The following ITGBL1 variants were observed in gnomAD, a reference collection of about 807,000 sequenced individuals.
The protein encoded by ITGBL1 is integrin subunit beta like 1, also known as integrin beta-like protein 1.
In ITGBL1, 51 loss-of-function variants were observed where a neutral mutation model predicts 68.5. That is an observed-to-expected ratio of 0.74 (90% CI 0.59 to 0.94). The LOEUF (loss-of-function observed/expected upper bound fraction) is 0.94, where lower values mean the gene tolerates loss of function less well. Ranked by LOEUF, ITGBL1 falls within the 40% of genes least tolerant of loss-of-function variation. ITGBL1 has a pLI of 0.00. For missense variants in ITGBL1, 649 were observed against 647.4 expected (o/e 1.00, Z -0.03); for synonymous variants, 209 against 227.3 (o/e 0.92, Z 0.72).
chr13:101,640,849 C>T (rs2032342867), intron 7 of ITGBL1, among the ~76,000 whole-genome samples: 1 of 152,136 alleles, frequency 6.6e-6, no homozygotes, highest in Non-Finnish European at 1.5e-5. Flanking sequence ...CGATGTTTAG[C>T]TCCCACTTAT....
At chr13:101,699,612 C>T (rs2034085317) in intron 8 of ITGBL1, among the ~76,000 whole-genome samples, 1 of 152,182 alleles carries the variant, frequency 6.6e-6, no homozygotes, top group South Asian at 2.1e-4. Context: ...CTTCCCCTTC[C>T]ACCATAATTG....
chr13:101,698,060 C>T (rs928156326), intron 8 of ITGBL1, among the ~76,000 whole-genome samples: 1 of 152,190 alleles, frequency 6.6e-6, no homozygotes, highest in Admixed American at 6.5e-5. Flanking sequence ...CAGACATCAT[C>T]CCTCTGTTAT....
intron 2 of ITGBL1, among the ~76,000 whole-genome samples, chr13:101,503,623 G>A (rs1297758110): frequency 6.6e-6 from 1 of 152,174 alleles, no homozygotes; most frequent in Non-Finnish European, 1.5e-5. Context: ...CCCCCTAGGG[G>A]AGTACACCCT....
At chr13:101,706,662 A>G (rs2034270249) in intron 8 of ITGBL1, 94 bp from the exon 9 acceptor site, 2 of 1,254,354 alleles carry the variant, frequency 1.6e-6, no homozygotes, top group Admixed American at 2.6e-5. Context: ...ATGGGAAATG[A>G]GATCCTATGG....
chr13:101,571,141 A>G (rs976137007), intron 3 of ITGBL1, among the ~76,000 whole-genome samples: 4 of 152,124 alleles, frequency 2.6e-5, no homozygotes, highest in Non-Finnish European at 4.4e-5. Context: ...CCATATTTGC[A>G]TGTCCCATTT....
At chr13:101,541,349 T>C (rs1390890493) in intron 2 of ITGBL1, among the ~76,000 whole-genome samples, 1 of 152,180 alleles carries the variant, frequency 6.6e-6, no homozygotes, top group Non-Finnish European at 1.5e-5. Context: ...ATATGCTGGA[T>C]TACATTTATT....
chr13:101,462,397 A>T (rs1049255688), intron 2 of ITGBL1, among the ~76,000 whole-genome samples: 1 of 152,178 alleles, frequency 6.6e-6, no homozygotes, highest in African/African-American at 2.4e-5. Flanking sequence ...GAAGGCCCAT[A>T]GTCTTCTCAG....
intron 7 of ITGBL1, among the ~76,000 whole-genome samples, chr13:101,603,603 A>G (rs1267898871): frequency 1.3e-5 from 2 of 151,856 alleles, no homozygotes; most frequent in African/African-American, 4.8e-5. Context: ...ATTTTACATT[A>G]TTATTTTACA....
intron 9 of ITGBL1, among the ~76,000 whole-genome samples, chr13:101,709,389 A>AAAG (rs2034355015): frequency 6.7e-6 from 1 of 149,424 alleles, no homozygotes; most frequent in East Asian, 1.9e-4. Flanking sequence ...AAAAAAAAAA[A>AAAG]AAAAAAAAAG....
chr13:101,605,973 C>CAT (rs1268996619), intron 7 of ITGBL1, among the ~76,000 whole-genome samples: 17 of 143,500 alleles, frequency 1.2e-4, no homozygotes, highest in Non-Finnish European at 2.0e-4. Flanking sequence ...CATATATATG[C>CAT]ATATATGTGT....
intron 7 of ITGBL1, among the ~76,000 whole-genome samples, chr13:101,604,883 T>TACACACACACACACACAC (rs1444965646): frequency 1.1e-3 from 14 of 12,968 alleles, no homozygotes; most frequent in East Asian, 3.7e-3. Flanking sequence ...TATATATATA[T>TACACACACACACACACAC]ATATACACAC....
chr13:101,693,672 T>TC, intron 8 of ITGBL1, among the ~76,000 whole-genome samples: 1 of 143,284 alleles, frequency 7.0e-6, no homozygotes, highest in Non-Finnish European at 1.5e-5. Context: ...CTATCATCTA[T>TC]TATCTGTGTA....
At chr13:101,471,832 T>C (rs2048465743) in intron 2 of ITGBL1, among the ~76,000 whole-genome samples, 1 of 152,092 alleles carries the variant, frequency 6.6e-6, no homozygotes. Flanking sequence ...AAGCCAGATA[T>C]CTCTGCTCTG....
intron 9 of ITGBL1, among the ~76,000 whole-genome samples, chr13:101,709,381 AAAAAAAAAAAAAAAAAAG>A (rs1264622887): frequency 1.7e-5 from 2 of 114,638 alleles, no homozygotes; most frequent in Non-Finnish European, 3.8e-5. Context: ...CAAAAAAAAA[AAAAAAAAAAAAAAAAAAG>A]AAAAGCAGGA....
At chr13:101,558,573 G>C (rs900981838) in intron 2 of ITGBL1, among the ~76,000 whole-genome samples, 2 of 152,082 alleles carry the variant, frequency 1.3e-5, no homozygotes, top group African/African-American at 4.8e-5. Flanking sequence ...CCTTTCTCTC[G>C]TTCCCTTCTC....
intron 7 of ITGBL1, among the ~76,000 whole-genome samples, chr13:101,675,831 C>G (rs2033487739): frequency 6.6e-6 from 1 of 152,142 alleles, no homozygotes; most frequent in Admixed American, 6.5e-5. Context: ...TCCAATGTAT[C>G]TCTTATGCTC....
chr13:101,679,230 T>G (rs887999470), intron 7 of ITGBL1, among the ~76,000 whole-genome samples: 1 of 152,144 alleles, frequency 6.6e-6, no homozygotes, highest in South Asian at 2.1e-4. Flanking sequence ...ATAGAAACAT[T>G]TATCTGATTA....
intron 2 of ITGBL1, among the ~76,000 whole-genome samples, chr13:101,458,232 G>C (rs1308291706): frequency 6.6e-6 from 1 of 152,202 alleles, no homozygotes; most frequent in African/African-American, 2.4e-5. Flanking sequence ...ATATATTATG[G>C]CTAAAAGTTC....
intron 2 of ITGBL1, among the ~76,000 whole-genome samples, chr13:101,506,860 G>C (rs1487354468): frequency 6.6e-6 from 1 of 152,084 alleles, no homozygotes; most frequent in Non-Finnish European, 1.5e-5. Context: ...AAATTTCCAA[G>C]AACTGTGGAT....
Sources: allele counts gnomAD v4.1 joint callset (sites outside exome capture counted in the v4.1 genomes callset), GRCh38; gene constraint gnomAD v4.1.1; transcripts MANE v1.5; gene names NCBI Gene and HGNC (gene_info 2026-07-23, HGNC 2026-07-21).